The following LRRTM4 variants were observed in gnomAD, a reference collection of about 807,000 sequenced individuals.
LRRTM4 encodes leucine-rich repeat transmembrane neuronal protein 4.
A neutral mutation model predicts 47.6 loss-of-function variants in LRRTM4; 25 were observed. The ratio of observed to expected loss-of-function variants is 0.53; its 90% CI spans 0.38 to 0.73. LRRTM4 has a LOEUF of 0.73. Ranked by LOEUF, LRRTM4 falls within the 30% of genes least tolerant of loss-of-function variation. The probability of loss-of-function intolerance (pLI) is 0.00; values close to 1 mark genes in which losing one functional copy is unlikely to be tolerated. For synonymous variants in LRRTM4, 311 were observed against 269.5 expected, an observed-to-expected ratio of 1.15 and a Z score of -1.51; for missense variants, 638 against 713.4, an observed-to-expected ratio of 0.89 and a Z score of 1.20.
At chr2:77,012,752 A>G (rs533333742) in intron 3 of LRRTM4, among the ~76,000 whole-genome samples, 1 of 152,224 alleles carries the variant, frequency 6.6e-6, no homozygotes, top group Non-Finnish European at 1.5e-5. Context: ...CTGGTGTTCA[A>G]CTAACACACA....
chr2:77,399,167 CTT>C (rs568671038), intron 3 of LRRTM4, among the ~76,000 whole-genome samples: 8 of 136,642 alleles, frequency 5.9e-5, no homozygotes, highest in African/African-American at 1.6e-4. Context: ...AACAGCAGGG[CTT>C]TTTTTTTTTT....
At chr2:77,098,018 T>A (rs926365164) in intron 3 of LRRTM4, among the ~76,000 whole-genome samples, 6 of 151,984 alleles carry the variant, frequency 3.9e-5, no homozygotes, top group African/African-American at 1.4e-4. Flanking sequence ...TAAAACTTAA[T>A]TGGGAAATAT....
intron 3 of LRRTM4, among the ~76,000 whole-genome samples, chr2:76,936,954 CAAAAAAAAAA>C (rs56140303): frequency 1.4e-3 from 31 of 22,690 alleles, no homozygotes; most frequent in South Asian, 3.0e-3. Flanking sequence ...GACTCCATCT[CAAAAAAAAAA>C]AAAAAAAAAA....
chr2:77,378,717 G>T (rs1335194903), intron 3 of LRRTM4, among the ~76,000 whole-genome samples: 1 of 152,076 alleles, frequency 6.6e-6, no homozygotes, highest in Non-Finnish European at 1.5e-5. Flanking sequence ...ACACATGGGG[G>T]GCTGTGCCCA....
chr2:77,452,254 G>A (rs150224362), intron 3 of LRRTM4, among the ~76,000 whole-genome samples: 2 of 152,302 alleles, frequency 1.3e-5, no homozygotes, highest in East Asian at 1.9e-4. Flanking sequence ...AGTGGACTAC[G>A]CAGCATGCAA....
At chr2:76,849,376 C>A (rs1671926966) in intron 3 of LRRTM4, among the ~76,000 whole-genome samples, 1 of 151,984 alleles carries the variant, frequency 6.6e-6, no homozygotes, top group African/African-American at 2.4e-5. Context: ...TCTCTGCTGC[C>A]ATGCAACATC....
intron 3 of LRRTM4, among the ~76,000 whole-genome samples, chr2:77,261,621 C>G (rs752759107): frequency 8.6e-5 from 13 of 151,794 alleles, no homozygotes; most frequent in Non-Finnish European, 1.5e-5. Context: ...CACCTGGGGT[C>G]CCGGAAAAGG....
chr2:77,305,647 C>T (rs1677250643), intron 3 of LRRTM4, among the ~76,000 whole-genome samples: 1 of 152,124 alleles, frequency 6.6e-6, no homozygotes, highest in South Asian at 2.1e-4. Context: ...CCATGTGTTA[C>T]TGCAGAGCTC....
chr2:76,947,510 T>G (rs1046418547), intron 3 of LRRTM4, among the ~76,000 whole-genome samples: 1 of 151,894 alleles, frequency 6.6e-6, no homozygotes, highest in Non-Finnish European at 1.5e-5. Flanking sequence ...AATAAAATAT[T>G]TGTGTTATTT....
intron 3 of LRRTM4, among the ~76,000 whole-genome samples, chr2:77,299,464 A>G (rs1363506460): frequency 6.6e-6 from 1 of 152,028 alleles, no homozygotes; most frequent in African/African-American, 2.4e-5. Flanking sequence ...TCCATATTAT[A>G]AGTGGTAAAG....
chr2:76,810,176 T>C (rs1216797293), intron 3 of LRRTM4, among the ~76,000 whole-genome samples: 2 of 152,018 alleles, frequency 1.3e-5, no homozygotes, highest in African/African-American at 4.8e-5. Context: ...CACTTCACAC[T>C]CACTCACTAA....
intron 3 of LRRTM4, among the ~76,000 whole-genome samples, chr2:77,363,872 C>T (rs1236561213): frequency 6.6e-6 from 1 of 151,952 alleles, no homozygotes; most frequent in Non-Finnish European, 1.5e-5. Flanking sequence ...TCTCTGAATT[C>T]AAAAATGAAA....
chr2:77,068,131 GTTTA>G (rs577474244), intron 3 of LRRTM4, among the ~76,000 whole-genome samples: 46 of 152,166 alleles, frequency 3.0e-4, no homozygotes, highest in African/African-American at 5.5e-4. Context: ...ATAGAGACTG[GTTTA>G]TTTGTGTATA....
At chr2:77,159,238 C>A (rs191440029) in intron 3 of LRRTM4, among the ~76,000 whole-genome samples, 1 of 152,164 alleles carries the variant, frequency 6.6e-6, no homozygotes, top group African/African-American at 2.4e-5. Flanking sequence ...AAAACATAAC[C>A]ACTAATAGCC....
chr2:76,926,565 T>C lies in LRRTM4; in HGVS notation c.1552-177649A>G, dbSNP rs571291888. Among the ~76,000 whole-genome samples the C allele has an allele frequency of 2.6e-5, 4 of 152,256 alleles. No homozygotes were observed. In the East Asian group the frequency reaches 5.8e-4, roughly 22 times the overall value. ...ACAGTGTTTGGAGCTGGGGGCTTTATTAGTGGTGATTAGGCCAGGAGGGCT... is the reference window on the plus strand; with the variant it reads ...ACAGTGTTTGGAGCTGGGGGCTTTACTAGTGGTGATTAGGCCAGGAGGGCT... On this transcript the variant is annotated intron_variant, in intron 3 of 3. Coordinates refer to ENST00000409884, the MANE Select transcript of LRRTM4 (RefSeq NM_001134745.3).
At chr2:77,326,641 C>T (rs944242937) in intron 3 of LRRTM4, among the ~76,000 whole-genome samples, 1 of 152,144 alleles carries the variant, frequency 6.6e-6, no homozygotes, top group Non-Finnish European at 1.5e-5. Flanking sequence ...AGCAATTGTT[C>T]CACCTTGGCC....
chr2:77,154,557 T>C (rs1672510117), intron 3 of LRRTM4, among the ~76,000 whole-genome samples: 1 of 152,170 alleles, frequency 6.6e-6, no homozygotes, highest in South Asian at 2.1e-4. Flanking sequence ...TTATAGATAG[T>C]AATTTTCCAA....
At chr2:77,073,076 C>A (rs13421983) in intron 3 of LRRTM4, among the ~76,000 whole-genome samples, 60,822 of 151,816 alleles carry the variant, frequency 0.4, 14,252 homozygotes, top group East Asian at 0.68. Context: ...AGACCAGTGG[C>A]ATCAGAATCT....
intron 3 of LRRTM4, among the ~76,000 whole-genome samples, chr2:77,057,650 G>A (rs1027909329): frequency 6.6e-6 from 1 of 152,118 alleles, no homozygotes; most frequent in Non-Finnish European, 1.5e-5. Context: ...CACCTCAGGT[G>A]GTTTCAAGCA....
Sources: gnomAD v4.1 joint callset for allele counts (sites outside exome capture counted in the v4.1 genomes callset) on GRCh38, gnomAD v4.1.1 for gene constraint, MANE v1.5 for transcripts, NCBI Gene and HGNC (gene_info 2026-07-23, HGNC 2026-07-21) for gene names.